HTT-AS: variants seen among roughly 807,000 people sequenced by gnomAD.
HTT-AS encodes HTT antisense RNA, also known as HTT antisense RNA (head to head).
intron 2 of HTT-AS, among the ~76,000 whole-genome samples, chr4:3,052,121 T>C (rs1711714175): frequency 6.6e-6 from 1 of 152,196 alleles, no homozygotes; most frequent in African/African-American, 2.4e-5. Flanking sequence ...AGTGCTATAG[T>C]TCAGTGGTGA....
At chr4:3,061,419 G>A (rs1217291364) in intron 2 of HTT-AS, among the ~76,000 whole-genome samples, 1 of 152,212 alleles carries the variant, frequency 6.6e-6, no homozygotes, top group Non-Finnish European at 1.5e-5. Flanking sequence ...AGTGGCTCAT[G>A]CCTGTAATGC....
chr4:3,056,504 C>T (rs893439178), intron 2 of HTT-AS, among the ~76,000 whole-genome samples: 2 of 152,162 alleles, frequency 1.3e-5, no homozygotes, highest in South Asian at 2.1e-4. Flanking sequence ...TCTTGTCTAC[C>T]TATAAGTTAG....
intron 1 of HTT-AS, among the ~76,000 whole-genome samples, chr4:3,069,732 A>G (rs898223288): frequency 6.6e-6 from 1 of 152,106 alleles, no homozygotes; most frequent in Non-Finnish European, 1.5e-5. Context: ...CAGCCATCCT[A>G]TGAGACGGGA....
intron 1 of HTT-AS, among the ~76,000 whole-genome samples, chr4:3,073,560 C>G (rs1233615340): frequency 6.6e-6 from 1 of 152,262 alleles, no homozygotes; most frequent in Admixed American, 6.5e-5. Context: ...GTGGCCATAG[C>G]TGCTTCTCGC....
chr4:3,074,612 TGGCCCCGCCTCCGCCGGCGC>T (rs558630166), upstream of HTT-AS: 12,405 of 424,826 alleles, frequency 0.029, 860 homozygotes, highest in South Asian at 0.19. Context: ...CTGGCCGGCG[TGGCCCCGCCTCCGCCGGCGC>T]GGCCCCGCCT....
downstream of HTT-AS, among the ~76,000 whole-genome samples, chr4:3,046,758 T>G (rs1457440998): frequency 6.6e-6 from 1 of 152,194 alleles, no homozygotes; most frequent in African/African-American, 2.4e-5. Context: ...TTAGGATCTA[T>G]GTGTTTCCTT....
intron 2 of HTT-AS, among the ~76,000 whole-genome samples, chr4:3,054,968 C>T (rs1009485657): frequency 1.3e-5 from 2 of 152,014 alleles, no homozygotes; most frequent in Admixed American, 6.5e-5. Context: ...CCGCCTCCAC[C>T]TCCCAAAGTG....
chr4:3,051,632 G>A (rs1711704419), intron 2 of HTT-AS, among the ~76,000 whole-genome samples: 1 of 137,622 alleles, frequency 7.3e-6, no homozygotes, highest in African/African-American at 2.6e-5. Flanking sequence ...CTCTCTGTGT[G>A]TTCAAACTGG....
Position 3,067,881 on chromosome 4 carries a change from G to A in HTT-AS, n.114-4181C>T, listed in dbSNP as rs530409714. Among the ~76,000 whole-genome samples the A allele has an allele frequency of 7.0e-4, 106 of 152,196 alleles. 1 individual carries two copies. The highest frequency in any genetic ancestry group is 1.2e-3 in the Non-Finnish European group (83 of 68,018). Reference sequence around the variant, plus strand: ...CTTGTCTCTCCTTACACCCCCAGACGTATCACTGCAAAACTACAGAAAACC... The same window carrying A: ...CTTGTCTCTCCTTACACCCCCAGACATATCACTGCAAAACTACAGAAAACC... On this transcript the variant is annotated intron_variant and non_coding_transcript_variant, in intron 1 of 2. Transcript: ENST00000664062.
At chr4:3,073,526 A>G (rs1712253302) in intron 1 of HTT-AS, among the ~76,000 whole-genome samples, 1 of 152,112 alleles carries the variant, frequency 6.6e-6, no homozygotes, top group Admixed American at 6.5e-5. Context: ...CCAGGTCGGG[A>G]CTCATTCCTG....
chr4:3,053,909 G>GCA (rs1711760485), intron 2 of HTT-AS, among the ~76,000 whole-genome samples: 4 of 152,038 alleles, frequency 2.6e-5, no homozygotes, highest in Admixed American at 2.6e-4. Flanking sequence ...ATAGGCATAT[G>GCA]CCACCATGCC....
chr4:3,054,967 C>A (rs371528322), intron 2 of HTT-AS, among the ~76,000 whole-genome samples: 2 of 151,960 alleles, frequency 1.3e-5, no homozygotes, highest in African/African-American at 2.4e-5. Flanking sequence ...CCCGCCTCCA[C>A]CTCCCAAAGT....
At chr4:3,070,071 CG>C (rs1231401595) in intron 1 of HTT-AS, 1 of 152,596 alleles carries the variant, frequency 6.6e-6, no homozygotes, top group Non-Finnish European at 1.5e-5. Flanking sequence ...TCTCTCTTCT[CG>C]GCAGGACAGG....
rs1238190745 is a variant in HTT-AS, at chr4:3,058,477, T to C, written n.1380+3957A>G. On this transcript the variant is annotated intron_variant and non_coding_transcript_variant, in intron 2 of 2. Transcript: ENST00000664062. ...AGCTGTGAGAACAACCAGAGATCCC[T>C]TTCATTGCCATCTTGGTTTTGGTGG... Among the ~76,000 whole-genome samples, 3 of 152,344 alleles carry C rather than the reference T, an allele frequency of 2.0e-5. No individual in the cohort carries two copies. The East Asian group carries it at 5.8e-4, about 29-fold the overall frequency.
At chr4:3,071,803 C>T (rs1457102760) in intron 1 of HTT-AS, among the ~76,000 whole-genome samples, 2 of 152,126 alleles carry the variant, frequency 1.3e-5, no homozygotes, top group African/African-American at 4.8e-5. Context: ...AGAGGGACGG[C>T]CACGTGAGGA....
At chr4:3,054,249 A>G (rs1316126309) in intron 2 of HTT-AS, among the ~76,000 whole-genome samples, 5 of 151,608 alleles carry the variant, frequency 3.3e-5, no homozygotes, top group African/African-American at 9.7e-5. Context: ...TTCTTGCCCT[A>G]AAGTAAAATA....
At chr4:3,061,526 C>CA (rs1394793499) in intron 2 of HTT-AS, among the ~76,000 whole-genome samples, 1 of 151,432 alleles carries the variant, frequency 6.6e-6, no homozygotes, top group African/African-American at 2.4e-5. Flanking sequence ...ACTAAAAATA[C>CA]AAAAAATTAG....
At chr4:3,070,547 C>G (rs1441976052) in intron 1 of HTT-AS, among the ~76,000 whole-genome samples, 1 of 152,182 alleles carries the variant, frequency 6.6e-6, no homozygotes, top group Non-Finnish European at 1.5e-5. Context: ...ACCTCGGCCT[C>G]CCAAAGTGCT....
In HTT-AS at chr4:3,061,939, A is replaced by G. The variant is rs185286304; in HGVS notation, n.1380+495T>C. ...GGAGCTTGCAGTGAGCCGAGATCAC[A>G]CCACTGCACTCCAGCCCGGACGACA... is the stretch of plus-strand genomic sequence containing the variant. On this transcript the variant is annotated intron_variant and non_coding_transcript_variant, in intron 2 of 2. Coordinates refer to ENST00000664062, the Ensembl canonical transcript of HTT-AS. Among the ~76,000 whole-genome samples, 274 of 146,210 alleles carry G rather than the reference A, an allele frequency of 1.9e-3. 3 individuals carry two copies. Among genetic ancestry groups the G allele is most frequent in the African/African-American group, 5.9e-3 (231 of 39,354 alleles).
Sources: allele counts gnomAD v4.1 joint callset (sites outside exome capture counted in the v4.1 genomes callset), GRCh38; gene constraint gnomAD v4.1.1; transcripts MANE v1.5; gene names NCBI Gene and HGNC (gene_info 2026-07-23, HGNC 2026-07-21).